The following CDH4 variants were observed in gnomAD, a reference collection of about 807,000 sequenced individuals.
CDH4 encodes the protein cadherin-4.
In CDH4, 33 loss-of-function variants were observed where a neutral mutation model predicts 86.0. That is an observed-to-expected ratio of 0.38 (90% CI 0.29 to 0.51). The LOEUF (loss-of-function observed/expected upper bound fraction) is 0.51, where lower values mean the gene tolerates loss of function less well. Among genes scored for constraint, CDH4 ranks in the 20% least tolerant of loss-of-function variants. CDH4 has a pLI of 0.86. For missense variants in CDH4, 1,114 were observed against 1,307.4 expected (o/e 0.85, Z 2.28); for synonymous variants, 555 against 549.4 (o/e 1.01, Z -0.14).
chr20:61,618,199 G>GGGTGGCCCGGTTCT (rs768331706), intron 2 of CDH4, among the ~76,000 whole-genome samples: 4 of 152,066 alleles, frequency 2.6e-5, no homozygotes, highest in Non-Finnish European at 5.9e-5. Flanking sequence ...ACAAAGGCAT[G>GGGTGGCCCGGTTCT]GGTGGCCCGG....
chr20:61,762,979 G>A (rs2088654746), intron 3 of CDH4, among the ~76,000 whole-genome samples: 1 of 152,220 alleles, frequency 6.6e-6, no homozygotes, highest in South Asian at 2.1e-4. Flanking sequence ...AGATGCTTTT[G>A]TGGAATCAGG....
intron 2 of CDH4, among the ~76,000 whole-genome samples, chr20:61,394,217 G>A (rs143720691): frequency 9.2e-5 from 14 of 152,062 alleles, no homozygotes; most frequent in East Asian, 7.8e-4. Flanking sequence ...AGTCCCCACC[G>A]ATCTCAGAGG....
At chr20:61,285,560 C>T (rs6129092) in intron 2 of CDH4, among the ~76,000 whole-genome samples, 87,049 of 152,064 alleles carry the variant, frequency 0.57, 25,586 homozygotes, top group East Asian at 0.73. Context: ...CATTTTTTGC[C>T]GGGCAGATAA....
At chr20:61,870,578 T>A (rs1411391072) in intron 6 of CDH4, among the ~76,000 whole-genome samples, 1 of 152,170 alleles carries the variant, frequency 6.6e-6, no homozygotes, top group East Asian at 1.9e-4. Flanking sequence ...TGGGCCCCTT[T>A]CTGCGACAGG....
rs887537930 is a variant in CDH4 at position 61,571,358 on chromosome 20, T to C, written c.170-172205T>C. On this transcript the variant is annotated intron_variant, in intron 2 of 15. Coordinates refer to ENST00000614565, the MANE Select transcript of CDH4 (RefSeq NM_001794.5). ...AGAAGGACTCGCCATGAGCCGAAGG[T>C]AGACAGTGCTGGCCTTGACATCGGG... Among the ~76,000 whole-genome samples, 4 of 152,258 alleles carry C rather than the reference T, an allele frequency of 2.6e-5. No individual in the cohort carries two copies. The East Asian group carries it at 5.8e-4, about 22-fold the overall frequency.
rs1482135761 is a variant in CDH4 at position 61,895,028 on chromosome 20, CA to C, written c.1170del (p.Glu391AsnfsTer25). ...GTGACAGATGTGAATGACAACCCGC[CA>C]GAATTTACCGCCAGCACGGTGAGTC... ...ITVTDVNDNP[P>X]EFTASTFAGE... On this transcript the variant is annotated frameshift_variant, in exon 8 of 16. Transcript: ENST00000614565. LOFTEE classifies it high-confidence loss of function. The C allele has an allele frequency of 6.2e-7, 1 of 1,613,718 alleles. No individual in the cohort carries two copies. The highest frequency in any genetic ancestry group is 8.5e-7 in the Non-Finnish European group (1 of 1,179,994).
intron 6 of CDH4, among the ~76,000 whole-genome samples, chr20:61,864,700 C>T (rs868154107): frequency 1.3e-5 from 2 of 152,200 alleles, no homozygotes; most frequent in Non-Finnish European, 2.9e-5. Flanking sequence ...ATGAGAGGAC[C>T]GAGGGGGAGG....
At chr20:61,711,345 C>G (rs990714330) in intron 2 of CDH4, among the ~76,000 whole-genome samples, 1 of 152,218 alleles carries the variant, frequency 6.6e-6, no homozygotes, top group African/African-American at 2.4e-5. Flanking sequence ...ACAAATCACC[C>G]AGTCTCAGAT....
chr20:61,928,951 C>T (rs570605599), intron 12 of CDH4, among the ~76,000 whole-genome samples: 4 of 152,214 alleles, frequency 2.6e-5, no homozygotes, highest in East Asian at 3.9e-4. Context: ...TCATTATTTC[C>T]ATTTGTATAT....
At chr20:61,822,195 C>G (rs1387184238) in intron 4 of CDH4, among the ~76,000 whole-genome samples, 1 of 152,230 alleles carries the variant, frequency 6.6e-6, no homozygotes, top group Non-Finnish European at 1.5e-5. Context: ...GTGTTCATTA[C>G]GTGAGTCCTG....
At chr20:61,411,625 G>A (rs949564795) in intron 2 of CDH4, among the ~76,000 whole-genome samples, 3 of 152,048 alleles carry the variant, frequency 2.0e-5, no homozygotes, top group Admixed American at 2.0e-4. Flanking sequence ...TATGCTCCAT[G>A]TCTACGTTGA....
intron 2 of CDH4, among the ~76,000 whole-genome samples, chr20:61,587,502 C>T (rs1216916176): frequency 6.6e-6 from 1 of 152,172 alleles, no homozygotes; most frequent in Non-Finnish European, 1.5e-5. Context: ...AGTCCTGGGT[C>T]ATCCCGTCGG....
intron 4 of CDH4, among the ~76,000 whole-genome samples, chr20:61,793,330 CA>C (rs148250381): frequency 0.091 from 13,811 of 150,996 alleles, 1,340 homozygotes; most frequent in African/African-American, 0.24. Flanking sequence ...TTCTTGGCGA[CA>C]AAAAAAACAA....
chr20:61,905,519 G>T (rs2054779437), intron 8 of CDH4, among the ~76,000 whole-genome samples: 1 of 152,190 alleles, frequency 6.6e-6, no homozygotes, highest in Non-Finnish European at 1.5e-5. Flanking sequence ...AATCCAAGGG[G>T]CCAGGAGCTT....
rs1261891287 is a variant in CDH4, at chr20:61,544,026, A to G, written c.170-199537A>G. On this transcript the variant is annotated intron_variant, in intron 2 of 15. Coordinates refer to ENST00000614565, the MANE Select transcript of CDH4 (RefSeq NM_001794.5). The surrounding 1 kb of genome is among the most constrained non-coding windows in gnomAD (Gnocchi z 6.5). ...CTCTCGTCACAGCTGAGGTCCCTGG[A>G]GGCTGCCCCACACCCCCGGCCCCAC... Among the ~76,000 whole-genome samples, 1 of 152,122 alleles carries G rather than the reference A, an allele frequency of 6.6e-6. No individual in the cohort carries two copies. The highest frequency in any genetic ancestry group is 1.5e-5 in the Non-Finnish European group (1 of 68,010).
intron 2 of CDH4, among the ~76,000 whole-genome samples, chr20:61,712,177 C>T (rs889876592): frequency 1.3e-5 from 2 of 152,104 alleles, no homozygotes; most frequent in African/African-American, 2.4e-5. Flanking sequence ...TCCAAGGGGC[C>T]GTCTCCACCA....
chr20:61,611,011 C>T (rs901988237), intron 2 of CDH4, among the ~76,000 whole-genome samples: 9 of 152,070 alleles, frequency 5.9e-5, no homozygotes, highest in African/African-American at 2.2e-4. Context: ...GGTCTCTGCA[C>T]AGGCACAATG....
intron 2 of CDH4, among the ~76,000 whole-genome samples, chr20:61,637,517 AG>A (rs2086959807): frequency 6.6e-6 from 1 of 152,238 alleles, no homozygotes; most frequent in Non-Finnish European, 1.5e-5. Flanking sequence ...AGCTCTTGGC[AG>A]TAACTCCAAG....
intron 8 of CDH4, among the ~76,000 whole-genome samples, chr20:61,900,436 G>A (rs974721363): frequency 2.0e-5 from 3 of 152,198 alleles, no homozygotes; most frequent in African/African-American, 7.2e-5. Context: ...CCACCCACCC[G>A]ACATCACCTC....
Sources: allele counts gnomAD v4.1 joint callset (sites outside exome capture counted in the v4.1 genomes callset), GRCh38; gene constraint gnomAD v4.1.1; non-coding constraint Gnocchi (gnomAD v3.1); transcripts MANE v1.5; gene names NCBI Gene and HGNC (gene_info 2026-07-23, HGNC 2026-07-21).